Variants in S100Z observed in about 807,000 individuals in gnomAD.
The protein encoded by S100Z is protein S100-Z.
In S100Z, 11 loss-of-function variants were observed where a neutral mutation model predicts 8.5. The ratio of observed to expected loss-of-function variants is 1.30; its 90% confidence interval spans 0.82 to 2.15. S100Z has a LOEUF of 2.15. Among genes scored for constraint, S100Z ranks in the 30% most tolerant of loss-of-function variants. The pLI is 0.00. For missense variants in S100Z, 126 were observed against 117.9 expected (o/e 1.07, Z -0.32); for synonymous variants, 34 against 43.8 (o/e 0.78, Z 0.89).
intron 1 of S100Z, among the ~76,000 whole-genome samples, chr5:76,860,274 G>A (rs1271906205): frequency 6.6e-6 from 1 of 152,172 alleles, no homozygotes; most frequent in African/African-American, 2.4e-5. Context: ...ACTGTAGCCA[G>A]TATAGATGCT....
chr5:76,910,841 G>A (rs940430715), intron 4 of S100Z, among the ~76,000 whole-genome samples: 12 of 152,292 alleles, frequency 7.9e-5, no homozygotes, highest in East Asian at 1.9e-4. Context: ...CTCAAGGTCC[G>A]TTACCATCCG....
At chr5:76,873,919 T>A (rs534038766) in intron 2 of S100Z, among the ~76,000 whole-genome samples, 1 of 152,330 alleles carries the variant, frequency 6.6e-6, no homozygotes, top group South Asian at 2.1e-4. Context: ...ACAGCTGCTC[T>A]GAGGTTTATT....
At chr5:76,857,186 G>A (rs1389937231) in intron 1 of S100Z, among the ~76,000 whole-genome samples, 1 of 152,076 alleles carries the variant, frequency 6.6e-6, no homozygotes, top group Non-Finnish European at 1.5e-5. Flanking sequence ...CAGCTAGTCG[G>A]GAGGCTGAGG....
the S100Z span, among the ~76,000 whole-genome samples, chr5:76,931,754 C>T: frequency 6.6e-6 from 1 of 152,080 alleles, no homozygotes; most frequent in African/African-American, 2.4e-5. Flanking sequence ...ATCTTAAGAA[C>T]AAGATGAGAT....
At chr5:76,941,992 G>A in the S100Z span, among the ~76,000 whole-genome samples, 5 of 151,558 alleles carry the variant, frequency 3.3e-5, no homozygotes, top group South Asian at 2.1e-4. Flanking sequence ...TTTGGCCATC[G>A]AGAGCACTTT....
At chr5:76,946,213 C>T in the S100Z span, among the ~76,000 whole-genome samples, 1 of 152,182 alleles carries the variant, frequency 6.6e-6, no homozygotes, top group Non-Finnish European at 1.5e-5. Context: ...TCACCCTTTC[C>T]TCCCATTATT....
At chr5:76,941,625 A>G in the S100Z span, among the ~76,000 whole-genome samples, 4 of 152,236 alleles carry the variant, frequency 2.6e-5, no homozygotes, top group African/African-American at 9.6e-5. Context: ...GATACTACCA[A>G]TGTGATTCAT....
intron 4 of S100Z, among the ~76,000 whole-genome samples, chr5:76,885,207 GA>G (rs1743559998): frequency 6.6e-6 from 1 of 152,204 alleles, no homozygotes; most frequent in Non-Finnish European, 1.5e-5. Context: ...AAGGGAGAAG[GA>G]GGAATGGAGG....
At chr5:76,907,834 T>C (rs1029911850) in intron 4 of S100Z, among the ~76,000 whole-genome samples, 1 of 152,142 alleles carries the variant, frequency 6.6e-6, no homozygotes, top group Non-Finnish European at 1.5e-5. Flanking sequence ...TGAGATCTTA[T>C]TGTAATAAAT....
chr5:76,867,406 T>G (rs375069539), intron 1 of S100Z, among the ~76,000 whole-genome samples: 7 of 152,298 alleles, frequency 4.6e-5, no homozygotes, highest in African/African-American at 1.4e-4. Context: ...TCAGACACTC[T>G]GGGGGTATCC....
intron 4 of S100Z, among the ~76,000 whole-genome samples, chr5:76,892,148 G>A (rs544051052): frequency 5.3e-5 from 8 of 152,178 alleles, no homozygotes; most frequent in Non-Finnish European, 1.0e-4. Flanking sequence ...AACACATGAA[G>A]TGCTCAATAG....
At chr5:76,869,718 G>A (rs1312865396) in intron 1 of S100Z, among the ~76,000 whole-genome samples, 1 of 152,094 alleles carries the variant, frequency 6.6e-6, no homozygotes, top group Non-Finnish European at 1.5e-5. Flanking sequence ...GACCAGTTTA[G>A]CTGGTATTTA....
At chr5:76,884,026 A>T (rs1338418493) in intron 4 of S100Z, among the ~76,000 whole-genome samples, 3 of 150,882 alleles carry the variant, frequency 2.0e-5, no homozygotes, top group East Asian at 1.9e-4. Context: ...CCTTGAAGCG[A>T]GGTTAATTAA....
chr5:76,924,373 T>G (rs1279314497), downstream of S100Z, among the ~76,000 whole-genome samples: 1 of 152,170 alleles, frequency 6.6e-6, no homozygotes, highest in Non-Finnish European at 1.5e-5. Context: ...TTTCTCCTAT[T>G]AATCTTCCTA....
intron 1 of S100Z, among the ~76,000 whole-genome samples, chr5:76,852,085 G>A (rs1001645358): frequency 4.6e-5 from 7 of 151,796 alleles, no homozygotes; most frequent in African/African-American, 1.7e-4. Context: ...GAAGTTCTGG[G>A]AGCTCTGAGC....
Position 76,906,974 on chromosome 5 carries a change from G to A in S100Z, c.*3-13743G>A, listed in dbSNP as rs867351423. Among the ~76,000 whole-genome samples the A allele has an allele frequency of 7.8e-4, 89 of 114,674 alleles. 2 individuals carry two copies. The highest frequency in any genetic ancestry group is 4.6e-3 in the African/African-American group (84 of 18,400). The allele number at this position is 114,674 out of a possible 152,430, so 75.2% of individuals were successfully genotyped here. A position where few individuals can be genotyped will look rare whatever the true frequency, so the allele number is the denominator to read the frequency against. On this transcript the variant is annotated intron_variant, in intron 4 of 4. Coordinates refer to ENST00000317593, the MANE Select transcript of S100Z (RefSeq NM_130772.4). Reference sequence around the variant, plus strand: ...GGCTGAATAGTATTCCATTGTGTGTGTGTATATATATATATATATATATAT... The same window carrying A: ...GGCTGAATAGTATTCCATTGTGTGTATGTATATATATATATATATATATAT...
chr5:76,860,088 C>G (rs991638172), intron 1 of S100Z, among the ~76,000 whole-genome samples: 4 of 152,130 alleles, frequency 2.6e-5, no homozygotes, highest in Non-Finnish European at 4.4e-5. Context: ...AAAGTTGACT[C>G]TAGATGCTGA....
the S100Z span, among the ~76,000 whole-genome samples, chr5:76,929,101 C>A: frequency 1.3e-5 from 2 of 152,172 alleles, no homozygotes; most frequent in Non-Finnish European, 2.9e-5. Context: ...GTAGGAGAAA[C>A]CTAATAGTCA....
At chr5:76,925,735 G>C (rs1745127752), downstream of S100Z, among the ~76,000 whole-genome samples, 1 of 152,096 alleles carries the variant, frequency 6.6e-6, no homozygotes, top group South Asian at 2.1e-4. Flanking sequence ...AAGAGGCTGA[G>C]GGGGGCGGAT....
Sources: allele counts gnomAD v4.1 joint callset (sites outside exome capture counted in the v4.1 genomes callset), GRCh38; gene constraint gnomAD v4.1.1; transcripts MANE v1.5; gene names NCBI Gene and HGNC (gene_info 2026-07-23, HGNC 2026-07-21).